Variants in CACNA1E observed in about 807,000 individuals in gnomAD.
CACNA1E encodes the protein calcium voltage-gated channel subunit alpha1 E.
CACNA1E carries 40 observed loss-of-function variants against 259.2 expected under a neutral mutation model. That is an observed-to-expected ratio of 0.15 (90% CI 0.12 to 0.20). The LOEUF (loss-of-function observed/expected upper bound fraction) is 0.20, where lower values mean the gene tolerates loss of function less well. CACNA1E is among the 10% of genes least tolerant of loss of function. The probability of loss-of-function intolerance (pLI) is 1.00; values close to 1 mark genes in which losing one functional copy is unlikely to be tolerated. For missense variants in CACNA1E, 1,874 were observed against 3,040.1 expected (o/e 0.62, Z 9.02); for synonymous variants, 1,104 against 1,138.5 (o/e 0.97, Z 0.61).
intron 6 of CACNA1E, among the ~76,000 whole-genome samples, chr1:181,638,319 G>A (rs1657425707): frequency 6.6e-6 from 1 of 152,214 alleles, no homozygotes; most frequent in South Asian, 2.1e-4. Flanking sequence ...CATTGGAATA[G>A]TATTACAATA....
intron 6 of CACNA1E, among the ~76,000 whole-genome samples, chr1:181,618,038 C>A (rs1655384102): frequency 6.6e-6 from 1 of 152,044 alleles, no homozygotes; most frequent in South Asian, 2.1e-4. Context: ...TTCAGAGGCC[C>A]AAAGATGTAG....
chr1:181,718,613 C>CACAT (rs1190448452), intron 12 of CACNA1E, among the ~76,000 whole-genome samples: 23 of 12,590 alleles, frequency 1.8e-3, no homozygotes, highest in African/African-American at 6.0e-3. Context: ...CTCATTCAAA[C>CACAT]ACACACACAC....
chr1:181,524,509 T>A (rs552274620), intron 3 of CACNA1E, among the ~76,000 whole-genome samples: 1 of 152,292 alleles, frequency 6.6e-6, no homozygotes, highest in South Asian at 2.1e-4. Context: ...CCCCCCAAAT[T>A]TCAATGGGTT....
At chr1:181,619,221 T>C (rs1655502722) in intron 6 of CACNA1E, among the ~76,000 whole-genome samples, 2 of 152,054 alleles carry the variant, frequency 1.3e-5, no homozygotes, top group African/African-American at 4.8e-5. Flanking sequence ...GATGGTGTAC[T>C]TTTATATGGG....
chr1:181,752,191 C>G lies in CACNA1E; in HGVS notation c.3780C>G (p.Leu1260=). The G allele has an allele frequency of 1.9e-6, 3 of 1,613,986 alleles. No homozygotes were observed. Among genetic ancestry groups the G allele is most frequent in the Non-Finnish European group, 1.7e-6 (2 of 1,179,856 alleles). ...AGACCATCAAGTCTCTGCGGGTGCT[C>G]CGAGTTCTAAGGCCACTGAAAACCA... is the stretch of plus-strand genomic sequence containing the variant. ...DIKTIKSLRV[L]RVLRPLKTIK... is the part of the protein sequence containing the mutation. Residue 1260 remains leucine, a synonymous_variant, in exon 27 of 48, where the codon CTC becomes CTG. Coordinates refer to ENST00000367573, the MANE Select transcript of CACNA1E (RefSeq NM_001205293.3).
chr1:181,769,417 AT>A (rs1462919405), intron 35 of CACNA1E, among the ~76,000 whole-genome samples: 1 of 149,968 alleles, frequency 6.7e-6, no homozygotes, highest in Non-Finnish European at 1.5e-5. Context: ...TTTGACTTAA[AT>A]TATGTTTGTT....
At chr1:181,360,338 A>T (rs1653773769) in intron 1 of CACNA1E, among the ~76,000 whole-genome samples, 1 of 152,244 alleles carries the variant, frequency 6.6e-6, no homozygotes, top group Non-Finnish European at 1.5e-5. Context: ...CCCCAAAATG[A>T]AAACAACACA....
intron 1 of CACNA1E, among the ~76,000 whole-genome samples, chr1:181,494,195 T>C (rs1396726454): frequency 3.3e-5 from 5 of 152,228 alleles, no homozygotes; most frequent in African/African-American, 7.2e-5. Context: ...ATAATTTTAG[T>C]ATTGGTTTAA....
At chr1:181,724,635 G>C (rs928519140) in intron 17 of CACNA1E, 98 bp downstream of exon 17, 6 of 994,068 alleles carry the variant, frequency 6.0e-6, no homozygotes, top group Admixed American at 2.1e-5. Flanking sequence ...GTCTGACTCA[G>C]GCCTGCCAGG....
rs372841342 is a variant in CACNA1E, at chr1:181,463,824, A to AT, written c.435-19913dup. Reference sequence around the variant, plus strand: ...TTTTAGTGTGGTAAAATGTATCTGCATTTTTTTGATGATTTTTGTTCATCT... The same window carrying AT: ...TTTTAGTGTGGTAAAATGTATCTGCATTTTTTTTGATGATTTTTGTTCATCT... On this transcript the variant is annotated intron_variant, in intron 2 of 11. Transcript: ENST00000524607. Among the ~76,000 whole-genome samples, 187 of 152,072 alleles carry AT rather than the reference A, an allele frequency of 1.2e-3. 1 individual carries two copies. The highest frequency in any genetic ancestry group is 4.3e-3 in the African/African-American group (179 of 41,504).
intron 26 of CACNA1E, among the ~76,000 whole-genome samples, chr1:181,751,248 TG>T: frequency 7.2e-6 from 1 of 138,944 alleles, no homozygotes; most frequent in South Asian, 2.4e-4. Flanking sequence ...CAAATGTATT[TG>T]TTCATTTTAT....
intron 3 of CACNA1E, among the ~76,000 whole-genome samples, chr1:181,576,849 T>A (rs1651025441): frequency 6.6e-6 from 1 of 152,232 alleles, no homozygotes; most frequent in South Asian, 2.1e-4. Context: ...TAATATTAAA[T>A]ACCATGTCAT....
intron 3 of CACNA1E, among the ~76,000 whole-genome samples, chr1:181,575,146 A>T (rs764183688): frequency 6.6e-6 from 1 of 152,168 alleles, no homozygotes; most frequent in East Asian, 1.9e-4. Context: ...CCAGTGGCCA[A>T]TGTGCATCAA....
At chr1:181,460,755 C>T (rs1017005335) in intron 2 of CACNA1E, among the ~76,000 whole-genome samples, 1 of 151,308 alleles carries the variant, frequency 6.6e-6, no homozygotes, top group Non-Finnish European at 1.5e-5. Flanking sequence ...TAAAAATGTA[C>T]TACTGCTTCC....
intron 1 of CACNA1E, among the ~76,000 whole-genome samples, chr1:181,373,442 TG>T (rs1322401475): frequency 2.0e-5 from 3 of 152,142 alleles, no homozygotes; most frequent in Non-Finnish European, 4.4e-5. Flanking sequence ...CAATAGTCTC[TG>T]ATGGGTTTTT....
intron 1 of CACNA1E, among the ~76,000 whole-genome samples, chr1:181,374,884 A>G (rs1297400767): frequency 2.0e-5 from 3 of 152,202 alleles, no homozygotes. Flanking sequence ...TTTGGCTTTA[A>G]AAAAGGTAAA....
chr1:181,798,552 A>C lies in CACNA1E; in HGVS notation c.6660A>C (p.Gln2220His). The C allele has an allele frequency of 6.2e-7, 1 of 1,613,796 alleles. No homozygotes were observed. The highest frequency in any genetic ancestry group is 1.1e-5 in the South Asian group (1 of 91,082). ...SSNSPHPQQS[Q>H]HASPQRYISE... is the part of the protein sequence containing the mutation. ...ACTCTCCGCACCCCCAGCAGAGCCA[A>C]CATGCCTCCCCACAGCGCTACATCT... The change falls in exon 48 of 48, where the codon CAA (glutamine) becomes CAC (histidine). Residue 2220 changes from glutamine (Q) to histidine (H), a missense_variant. By Grantham distance (24) the Gln-to-His change is conservative. This residue lies in a region of CACNA1E where 542 missense variants were observed against 587.2 expected (regional missense o/e 0.92). Transcript: ENST00000367573. This position sits in a 1 kb window ranked among gnomAD's most constrained non-coding sequence, Gnocchi z 4.2.
rs143339347 is a variant in CACNA1E, at chr1:181,788,349, A to G, written c.5787-2096A>G. 2.1e-3 allele frequency among the ~76,000 whole-genome samples: 319 copies of G among 152,316 alleles called. 1 individual carries two copies. Among genetic ancestry groups the G allele is most frequent in the African/African-American group, 7.5e-3 (312 of 41,578 alleles). ...GTGTTTCTAGAGCCATGCATTGTTC[A>G]GTAGAGGTTGATCTAGGGGTATAGT... On this transcript the variant is annotated intron_variant, in intron 43 of 47. Transcript: ENST00000367573.
At chr1:181,553,107 C>T (rs375864570) in intron 3 of CACNA1E, among the ~76,000 whole-genome samples, 12 of 152,238 alleles carry the variant, frequency 7.9e-5, no homozygotes, top group Non-Finnish European at 1.3e-4. Context: ...GCCATTTTTA[C>T]GATATTGATT....
Sources: allele counts gnomAD v4.1 joint callset (sites outside exome capture counted in the v4.1 genomes callset), GRCh38; gene constraint gnomAD v4.1.1; regional missense constraint gnomAD v4.1.1; non-coding constraint Gnocchi (gnomAD v3.1); transcripts MANE v1.5; gene names NCBI Gene and HGNC (gene_info 2026-07-23, HGNC 2026-07-21).